UTP20: variants seen among roughly 807,000 people sequenced by gnomAD.
The protein encoded by UTP20 is small subunit processome component 20 homolog.
In UTP20, 164 loss-of-function variants were observed where a neutral mutation model predicts 329.5. The ratio of observed to expected loss-of-function variants is 0.50; its 90% CI spans 0.44 to 0.57. The LOEUF (loss-of-function observed/expected upper bound fraction) is 0.57. UTP20 is among the 20% of genes least tolerant of loss of function. The pLI is 0.00. For synonymous variants in UTP20, 1,151 were observed against 1,159.3 expected (o/e 0.99, Z 0.14); for missense variants, 3,055 against 3,284.2 (o/e 0.93, Z 1.71).
At position 101,327,144 on chromosome 12, in the gene UTP20, C is replaced by A. The variant is rs1868588436; in HGVS notation, c.3105C>A (p.Gly1035=). The A allele has an allele frequency of 6.2e-7, 1 of 1,613,070 alleles. No individual in the cohort carries two copies. The stretch of plus-strand genomic sequence containing the variant: ...AAACTCAGGGGAAATCTGCTTCAGG[C>A]ACCCGCATGGCCATTGTCCTGCGGT... ...GSKTQGKSAS[G]TRMAIVLRFL... The change falls in exon 26 of 62, where the codon GGC becomes GGA. Residue 1035 remains glycine, a synonymous_variant. Transcript: ENST00000261637.
At chr12:101,359,105 T>G (rs948948746) in intron 43 of UTP20, among the ~76,000 whole-genome samples, 1 of 152,100 alleles carries the variant, frequency 6.6e-6, no homozygotes, top group African/African-American at 2.4e-5. Flanking sequence ...CCTGCTCTGT[T>G]GCTCAGGCTG....
chr12:101,381,354 G>A (rs946790136), intron 58 of UTP20, 143 bp downstream of exon 58: 15 of 669,370 alleles, frequency 2.2e-5, no homozygotes, highest in South Asian at 3.6e-5. Context: ...CCAACATGGC[G>A]AAACCCCATC....
intron 19 of UTP20, among the ~76,000 whole-genome samples, chr12:101,310,856 C>A (rs989921083): frequency 1.3e-5 from 2 of 152,194 alleles, no homozygotes; most frequent in Admixed American, 6.5e-5. Context: ...CTACCTTTTA[C>A]TACCTTTCAA....
intron 45 of UTP20, among the ~76,000 whole-genome samples, chr12:101,364,198 AG>A: frequency 6.6e-6 from 1 of 152,342 alleles, no homozygotes; most frequent in South Asian, 2.1e-4. Context: ...GCTTGAGCCC[AG>A]GAGTTTGAGA....
chr12:101,380,133 T>C (rs1306214193), intron 57 of UTP20, among the ~76,000 whole-genome samples: 2 of 152,134 alleles, frequency 1.3e-5, no homozygotes, highest in Non-Finnish European at 2.9e-5. Flanking sequence ...ATCCCAGCAC[T>C]TTAGGAGGCT....
At chr12:101,350,575 T>G (rs1019514910) in intron 38 of UTP20, among the ~76,000 whole-genome samples, 3 of 152,168 alleles carry the variant, frequency 2.0e-5, no homozygotes, top group Non-Finnish European at 4.4e-5. Context: ...TACTTATGAA[T>G]AGTCTAATTC....
intron 2 of UTP20, 32 bp from the exon 3 acceptor site, chr12:101,285,538 A>C (rs757008977): frequency 6.2e-7 from 1 of 1,603,260 alleles, no homozygotes; most frequent in South Asian, 1.1e-5. Flanking sequence ...TCTTAGAGTT[A>C]TTTGATTAAT....
intron 27 of UTP20, among the ~76,000 whole-genome samples, chr12:101,330,708 G>T (rs1868733670): frequency 6.6e-6 from 1 of 152,184 alleles, no homozygotes; most frequent in African/African-American, 2.4e-5. Context: ...ATTGTGAAAG[G>T]TTTGCCTGTG....
At chr12:101,354,647 G>A (rs1355470295) in intron 40 of UTP20, among the ~76,000 whole-genome samples, 185 bp from the exon 41 acceptor site, 2 of 152,120 alleles carry the variant, frequency 1.3e-5, no homozygotes, top group Non-Finnish European at 2.9e-5. Context: ...ACTCTAAACT[G>A]TGAGAAAGCA....
intron 29 of UTP20, among the ~76,000 whole-genome samples, chr12:101,337,685 G>C (rs886288254): frequency 2.6e-5 from 4 of 152,198 alleles, no homozygotes; most frequent in African/African-American, 4.8e-5. Context: ...TTTGTTTTCA[G>C]TAAGTCTCTT....
rs1482838030 is a variant in UTP20 at position 101,293,271 on chromosome 12, A to G, written c.1251+26A>G. The G allele has an allele frequency of 3.8e-6, 6 of 1,598,880 alleles. No individual in the cohort carries two copies. The South Asian group carries it at 6.7e-5, about 18-fold the overall frequency. On this transcript the variant is annotated intron_variant, in intron 11 of 61. Coordinates refer to ENST00000261637, the MANE Select transcript of UTP20 (RefSeq NM_014503.3). The stretch of plus-strand genomic sequence containing the variant: ...GTAAGCAAGTTACTAAGTTCGGAGT[A>G]TTTTTAAAAACAAATCTGTCAGGAA...
At chr12:101,289,392 T>C (rs79101293) in intron 6 of UTP20, among the ~76,000 whole-genome samples, 63 of 100,458 alleles carry the variant, frequency 6.3e-4, no homozygotes, top group African/African-American at 1.1e-3. Context: ...CACACACACA[T>C]ACACACACAC....
Position 101,381,159 on chromosome 12 carries a change from C to T in UTP20, c.7604C>T (p.Ala2535Val). ...TCACAGATGAAAAGTATCTCTCTCG[C>T]CTCTTGCCATCAATTGCATTCCAAA... The part of the protein sequence containing the change: ...LDQKMKSISL[A>V]SCHQLHSKFL... The change falls in exon 58 of 62, where the codon GCC (alanine) becomes GTC (valine). Residue 2535 changes from alanine to valine, a missense_variant. Physicochemically the swap from Ala to Val is moderately conservative, Grantham distance 64. Transcript: ENST00000261637. 1 of 1,613,876 alleles carries T rather than the reference C, an allele frequency of 6.2e-7. No homozygotes were observed. Among genetic ancestry groups the T allele is most frequent in the African/African-American group, 1.3e-5 (1 of 75,062 alleles).
At chr12:101,321,989 C>A (rs977631779) in intron 25 of UTP20, among the ~76,000 whole-genome samples, 2 of 144,138 alleles carry the variant, frequency 1.4e-5, no homozygotes, top group African/African-American at 5.2e-5. Flanking sequence ...AAAGAAAGAT[C>A]TTTATTTATT....
chr12:101,376,944 G>A (rs192704155), intron 56 of UTP20, among the ~76,000 whole-genome samples: 29 of 151,048 alleles, frequency 1.9e-4, no homozygotes, highest in Admixed American at 1.1e-3. Flanking sequence ...CACCACACCC[G>A]GCCAATTTTT....
rs1870705050 is a variant in UTP20, at chr12:101,383,132, A to T, written c.7748A>T (p.Glu2583Val). The change falls in exon 59 of 62, where the codon GAA becomes GTA. Residue 2583 changes from glutamate (E) to valine (V), a missense_variant. Physicochemically the swap from Glu to Val is moderately radical, Grantham distance 121 (BLOSUM62 -2). This residue lies in a region of UTP20 where 337 missense variants were observed against 345.5 expected (regional missense o/e 0.98). Transcript: ENST00000261637. ...CAAAGTAAGATAAAAGAAGACCTGGAAGAACAAGAAGCTTTAGAAGATGGT... is the reference window on the plus strand; with the variant it reads ...CAAAGTAAGATAAAAGAAGACCTGGTAGAACAAGAAGCTTTAGAAGATGGT... ...DKQSKIKEDL[E>V]EQEALEDGVA... is the part of the protein sequence containing the mutation. 1 of 1,614,026 alleles carries T rather than the reference A, an allele frequency of 6.2e-7. No individual in the cohort carries two copies. The highest frequency in any genetic ancestry group is 1.3e-5 in the African/African-American group (1 of 75,028).
chr12:101,361,810 A>G (rs1269933702), intron 43 of UTP20, 152 bp from the exon 44 acceptor site: 1 of 620,144 alleles, frequency 1.6e-6, no homozygotes, highest in African/African-American at 1.8e-5. Flanking sequence ...GATTTTAGAT[A>G]GTGAAATAAC....
intron 10 of UTP20, among the ~76,000 whole-genome samples, chr12:101,292,865 T>G (rs1225548527): frequency 6.6e-6 from 1 of 152,140 alleles, no homozygotes; most frequent in Non-Finnish European, 1.5e-5. Flanking sequence ...AATAGAAAGG[T>G]TGGTTAAGTT....
chr12:101,377,635 C>CT (rs1349992981), intron 56 of UTP20, among the ~76,000 whole-genome samples: 1 of 151,844 alleles, frequency 6.6e-6, no homozygotes, highest in Admixed American at 6.6e-5. Context: ...CAGCCTAAAA[C>CT]TTTTTTTTCT....
Sources: gnomAD v4.1 joint callset for allele counts (sites outside exome capture counted in the v4.1 genomes callset) on GRCh38, gnomAD v4.1.1 for gene constraint, gnomAD v4.1.1 regional missense constraint, MANE v1.5 for transcripts, NCBI Gene and HGNC (gene_info 2026-07-23, HGNC 2026-07-21) for gene names.